Variants in KHDRBS2 observed in about 807,000 individuals in gnomAD.
KHDRBS2 encodes KH RNA binding domain containing, signal transduction associated 2.
A neutral mutation model predicts 44.3 loss-of-function variants in KHDRBS2; 26 were observed. That is an observed-to-expected ratio of 0.59 (90% CI 0.43 to 0.81). The LOEUF is 0.81. KHDRBS2 is among the 40% of genes least tolerant of loss of function. The pLI is 0.00. For synonymous variants in KHDRBS2, 194 were observed against 151.1 expected, an observed-to-expected ratio of 1.28 and a Z score of -2.08; for missense variants, 476 against 433.1, an observed-to-expected ratio of 1.10 and a Z score of -0.88.
chr6:61,592,072 TCC>T, the KHDRBS2 span, among the ~76,000 whole-genome samples: 1 of 151,068 alleles, frequency 6.6e-6, no homozygotes, highest in Non-Finnish European at 1.5e-5. Context: ...AGGTCTGTAG[TCC>T]CAGTGACTCT....
At chr6:61,658,750 G>A in the KHDRBS2 span, among the ~76,000 whole-genome samples, 1 of 151,878 alleles carries the variant, frequency 6.6e-6, no homozygotes, top group African/African-American at 2.4e-5. Context: ...TTTTAAAATA[G>A]TACACAATCC....
intron 2 of KHDRBS2, among the ~76,000 whole-genome samples, chr6:62,057,069 G>T (rs982672746): frequency 2.6e-5 from 4 of 151,934 alleles, no homozygotes; most frequent in Non-Finnish European, 5.9e-5. Flanking sequence ...CAGAGACTGA[G>T]TTTCACAAAG....
At chr6:61,696,363 C>G (rs1042053820) in intron 8 of KHDRBS2, among the ~76,000 whole-genome samples, 7 of 152,020 alleles carry the variant, frequency 4.6e-5, no homozygotes, top group African/African-American at 7.2e-5. Context: ...TCAAGCTATT[C>G]TCTTGCCTCA....
At chr6:62,120,830 G>A (rs1807450928) in intron 2 of KHDRBS2, among the ~76,000 whole-genome samples, 1 of 152,108 alleles carries the variant, frequency 6.6e-6, no homozygotes, top group Non-Finnish European at 1.5e-5. Context: ...GTCTACTCGA[G>A]GAAGGACCCC....
chr6:61,702,182 G>A (rs914989989), intron 7 of KHDRBS2, among the ~76,000 whole-genome samples: 1 of 151,848 alleles, frequency 6.6e-6, no homozygotes, highest in South Asian at 2.1e-4. Flanking sequence ...ATCAGCTCAA[G>A]ACTACATTTT....
At chr6:61,629,178 A>C in the KHDRBS2 span, among the ~76,000 whole-genome samples, 1 of 152,148 alleles carries the variant, frequency 6.6e-6, no homozygotes, top group Non-Finnish European at 1.5e-5. Flanking sequence ...TTTTTCGCTT[A>C]CTTGCTCTAA....
At chr6:62,129,601 A>T (rs1343040835) in intron 2 of KHDRBS2, among the ~76,000 whole-genome samples, 2 of 152,202 alleles carry the variant, frequency 1.3e-5, no homozygotes, top group Non-Finnish European at 2.9e-5. Context: ...CAAATAAAGA[A>T]GTAGTGACAA....
intron 6 of KHDRBS2, among the ~76,000 whole-genome samples, chr6:61,843,080 C>T (rs565407554): frequency 7.9e-5 from 12 of 151,972 alleles, no homozygotes; most frequent in South Asian, 4.2e-4. Context: ...AAGCCAGATA[C>T]AGAGCCACAA....
chr6:61,643,219 T>C, the KHDRBS2 span, among the ~76,000 whole-genome samples: 1 of 152,214 alleles, frequency 6.6e-6, no homozygotes, highest in Non-Finnish European at 1.5e-5. Context: ...GAAAAATTTC[T>C]TCTGGGAATG....
intron 2 of KHDRBS2, among the ~76,000 whole-genome samples, chr6:62,064,850 C>T (rs1291738822): frequency 5.3e-5 from 8 of 150,428 alleles, no homozygotes; most frequent in African/African-American, 1.2e-4. Flanking sequence ...AGGCAACCTA[C>T]AAAATGGGAG....
At chr6:62,276,686 T>C (rs772095293) in intron 1 of KHDRBS2, among the ~76,000 whole-genome samples, 2 of 152,240 alleles carry the variant, frequency 1.3e-5, no homozygotes, top group South Asian at 2.1e-4. Flanking sequence ...TATTTTATGA[T>C]ATCATATAAT....
intron 3 of KHDRBS2, among the ~76,000 whole-genome samples, chr6:62,012,687 A>G (rs1353357251): frequency 2.0e-5 from 3 of 152,042 alleles, no homozygotes; most frequent in Admixed American, 1.3e-4. Context: ...TGACCCTCAC[A>G]TGGCTGGCTT....
intron 6 of KHDRBS2, among the ~76,000 whole-genome samples, chr6:61,775,922 G>A (rs1781902351): frequency 6.6e-6 from 1 of 152,104 alleles, no homozygotes; most frequent in Non-Finnish European, 1.5e-5. Context: ...AAAACAGCAT[G>A]GTACTGGTAC....
At position 62,252,484 on chromosome 6, in the gene KHDRBS2, A is replaced by AT. The variant is rs533099236; in HGVS notation, c.91+33373dup. Reference sequence around the variant, plus strand: ...ATTCAAATCTTATTATAGATATTGGATTTTTTTTACCAGTTCTATCATTTC... The same window carrying AT: ...ATTCAAATCTTATTATAGATATTGGATTTTTTTTTACCAGTTCTATCATTTC... On this transcript the variant is annotated intron_variant, in intron 1 of 8. Coordinates refer to ENST00000281156, the MANE Select transcript of KHDRBS2 (RefSeq NM_152688.4). Among the ~76,000 whole-genome samples the AT allele has an allele frequency of 2.7e-3, 403 of 151,726 alleles. 3 individuals are homozygous for AT. Among genetic ancestry groups the AT allele is most frequent in the African/African-American group, 8.5e-3 (354 of 41,440 alleles).
chr6:62,087,216 A>G (rs1412184324), intron 2 of KHDRBS2, among the ~76,000 whole-genome samples: 1 of 152,138 alleles, frequency 6.6e-6, no homozygotes, highest in Non-Finnish European at 1.5e-5. Flanking sequence ...TCCACAAACA[A>G]TGAAAGCATA....
intron 1 of KHDRBS2, among the ~76,000 whole-genome samples, chr6:62,252,142 C>T (rs1354924755): frequency 1.3e-5 from 2 of 151,522 alleles, no homozygotes; most frequent in Admixed American, 1.3e-4. Context: ...TTTTAATAGG[C>T]TTTGACAAAA....
chr6:62,237,318 C>T (rs1281147725), intron 1 of KHDRBS2, among the ~76,000 whole-genome samples: 1 of 152,128 alleles, frequency 6.6e-6, no homozygotes, highest in African/African-American at 2.4e-5. Flanking sequence ...TATAAGTATG[C>T]TGTAAGTGGT....
intron 6 of KHDRBS2, among the ~76,000 whole-genome samples, chr6:61,842,959 G>A (rs1793810607): frequency 6.6e-6 from 1 of 151,716 alleles, no homozygotes; most frequent in Admixed American, 6.6e-5. Flanking sequence ...TAATCTATCT[G>A]TATAGATTAC....
At chr6:61,607,095 T>A in the KHDRBS2 span, among the ~76,000 whole-genome samples, 1 of 151,586 alleles carries the variant, frequency 6.6e-6, no homozygotes, top group Non-Finnish European at 1.5e-5. Context: ...GCATGATTAA[T>A]TTTTTTTGGA....
Sources: gnomAD v4.1 joint callset for allele counts (sites outside exome capture counted in the v4.1 genomes callset) on GRCh38, gnomAD v4.1.1 for gene constraint, MANE v1.5 for transcripts, NCBI Gene and HGNC (gene_info 2026-07-23, HGNC 2026-07-21) for gene names.